Variants in SLC13A1 observed in about 807,000 individuals in gnomAD.
The protein encoded by SLC13A1 is Na(+)/sulfate cotransporter.
SLC13A1 carries 65 observed loss-of-function variants against 70.0 expected under a neutral mutation model. The observed-to-expected ratio is 0.93, with a 90% CI of 0.76 to 1.14. The LOEUF (loss-of-function observed/expected upper bound fraction) is 1.14. Among genes scored for constraint, SLC13A1 ranks in the 50% most tolerant of loss-of-function variants. The pLI is 0.00. For missense variants in SLC13A1, 726 were observed against 717.8 expected (o/e 1.01, Z -0.13); for synonymous variants, 275 against 250.5 (o/e 1.10, Z -0.92).
intron 6 of SLC13A1, chr7:123,149,478 T>C (rs1794479942): frequency 2.2e-6 from 1 of 456,410 alleles, no homozygotes; most frequent in Admixed American, 2.4e-5. Flanking sequence ...TTCTTTCGAC[T>C]GTGATGGTAC....
chr7:123,117,715 C>G (rs938987966), intron 13 of SLC13A1, 107 bp from the exon 14 acceptor site: 18 of 556,672 alleles, frequency 3.2e-5, no homozygotes, highest in African/African-American at 1.9e-5. Flanking sequence ...ATGTTGGAAC[C>G]TAATGATATA....
chr7:123,167,142 C>T (rs1340975141), intron 6 of SLC13A1, among the ~76,000 whole-genome samples: 1 of 152,132 alleles, frequency 6.6e-6, no homozygotes, highest in East Asian at 1.9e-4. Context: ...GTGGCGATTC[C>T]TCAGGGATCT....
At chr7:123,148,493 G>C in intron 6 of SLC13A1, 1 of 452,062 alleles carries the variant, frequency 2.2e-6, no homozygotes, top group Non-Finnish European at 4.4e-6. Flanking sequence ...GACTTTCTAG[G>C]GTGTAAGCCA....
intron 1 of SLC13A1, among the ~76,000 whole-genome samples, chr7:123,194,175 C>T (rs1046566191): frequency 2.0e-5 from 3 of 152,166 alleles, no homozygotes; most frequent in Middle Eastern, 6.8e-3. Flanking sequence ...GTAATAGAGG[C>T]CAATGTATCC....
At chr7:123,115,725 A>G in intron 14 of SLC13A1, 70 bp from the exon 15 acceptor site, 1 of 1,526,186 alleles carries the variant, frequency 6.6e-7, no homozygotes, top group Non-Finnish European at 9.0e-7. Context: ...ATCCTATTGT[A>G]GGATGTATAT....
chr7:123,120,080 T>C (rs1280330824), intron 12 of SLC13A1, among the ~76,000 whole-genome samples: 3 of 152,082 alleles, frequency 2.0e-5, no homozygotes, highest in African/African-American at 4.8e-5. Flanking sequence ...CACAGAAATA[T>C]CTATTCTGGA....
intron 6 of SLC13A1, among the ~76,000 whole-genome samples, chr7:123,152,320 A>G (rs771511693): frequency 6.6e-6 from 1 of 152,136 alleles, no homozygotes; most frequent in Non-Finnish European, 1.5e-5. Context: ...GGGGAAGCAG[A>G]TATATCTTTG....
At chr7:123,135,890 T>C (rs1201749615) in intron 7 of SLC13A1, among the ~76,000 whole-genome samples, 1 of 152,196 alleles carries the variant, frequency 6.6e-6, no homozygotes, top group Non-Finnish European at 1.5e-5. Context: ...TAATTAAAGA[T>C]GTTAGAAAAT....
chr7:123,160,152 T>C (rs1794840541), intron 6 of SLC13A1, among the ~76,000 whole-genome samples: 1 of 151,124 alleles, frequency 6.6e-6, no homozygotes, highest in African/African-American at 2.4e-5. Flanking sequence ...GCACCTGTAA[T>C]CCCAGCTACT....
chr7:123,132,467 G>A (rs1793797822), intron 8 of SLC13A1, among the ~76,000 whole-genome samples: 1 of 152,094 alleles, frequency 6.6e-6, no homozygotes, highest in Non-Finnish European at 1.5e-5. Context: ...CGCCTCCCAG[G>A]TTCAAGTGAT....
At chr7:123,184,446 G>T (rs931686339) in intron 1 of SLC13A1, among the ~76,000 whole-genome samples, 1 of 151,946 alleles carries the variant, frequency 6.6e-6, no homozygotes, top group Non-Finnish European at 1.5e-5. Flanking sequence ...GAAACCACAA[G>T]TTCACTCTCC....
At chr7:123,187,415 C>T (rs556649490) in intron 1 of SLC13A1, among the ~76,000 whole-genome samples, 1 of 152,260 alleles carries the variant, frequency 6.6e-6, no homozygotes, top group South Asian at 2.1e-4. Context: ...CATATTTGTA[C>T]ACCTTATCAT....
At position 123,169,292 on chromosome 7, in the gene SLC13A1, A is replaced by G. The variant is rs746632487; in HGVS notation, c.409T>C (p.Trp137Arg). 6.2e-7 allele frequency: 1 copy of G among 1,613,728 alleles called. No individual in the cohort carries two copies. Among genetic ancestry groups the G allele is most frequent in the South Asian group, 1.1e-5 (1 of 91,070 alleles). Residue 137 changes from tryptophan (W) to arginine (R), a missense_variant, in exon 4 of 15, where the codon TGG becomes CGG. Coordinates refer to ENST00000194130, the MANE Select transcript of SLC13A1 (RefSeq NM_022444.4). ...FMSSTAFLSM[W>R]LSNTSTAAMV... ...GCAGCCGTCGAGGTGTTGCTGAGCC[A>G]CATAGACAAAAAGGCAGTGCTGCTC...
At chr7:123,143,268 C>T (rs1444037905) in intron 7 of SLC13A1, among the ~76,000 whole-genome samples, 1 of 152,162 alleles carries the variant, frequency 6.6e-6, no homozygotes, top group African/African-American at 2.4e-5. Flanking sequence ...CACACAAGTC[C>T]TCTGGCTCAA....
intron 3 of SLC13A1, among the ~76,000 whole-genome samples, chr7:123,171,017 C>A (rs1180914759): frequency 6.6e-6 from 1 of 151,854 alleles, no homozygotes; most frequent in East Asian, 1.9e-4. Context: ...GATGTGTCTA[C>A]GCCCTAGAAT....
chr7:123,123,386 C>T lies in SLC13A1; in HGVS notation c.1241-151G>A, dbSNP rs963162455. 2.8e-5 allele frequency: 16 copies of T among 576,620 alleles called. No homozygotes were observed. In the Admixed American group the frequency reaches 4.0e-4, roughly 15 times the overall value. 35.7% of individuals were successfully genotyped at this position (576,620 alleles called of 1,614,324 possible). ...AATTAATCTGGAGTTTGAGTAATTT[C>T]CACCTGGACTAGGTGGAACATTCTA... On this transcript the variant is annotated intron_variant, in intron 11 of 14. Coordinates refer to ENST00000194130, the MANE Select transcript of SLC13A1 (RefSeq NM_022444.4).
intron 1 of SLC13A1, among the ~76,000 whole-genome samples, chr7:123,189,753 A>C (rs1795936817): frequency 1.3e-5 from 2 of 152,014 alleles, no homozygotes; most frequent in South Asian, 2.1e-4. Context: ...ATTATTATTG[A>C]AATGAAAAAT....
intron 1 of SLC13A1, among the ~76,000 whole-genome samples, chr7:123,184,677 G>A (rs1195269942): frequency 6.6e-6 from 1 of 151,906 alleles, no homozygotes; most frequent in African/African-American, 2.4e-5. Context: ...GTGTGAGTGT[G>A]TGTGTGTGTG....
chr7:123,164,099 AG>A (rs1794999112), intron 6 of SLC13A1, among the ~76,000 whole-genome samples: 1 of 152,044 alleles, frequency 6.6e-6, no homozygotes, highest in African/African-American at 2.4e-5. Flanking sequence ...TGGATAAAGT[AG>A]GGTAGAGTCA....
Sources: gnomAD v4.1 joint callset for allele counts (sites outside exome capture counted in the v4.1 genomes callset) on GRCh38, gnomAD v4.1.1 for gene constraint, MANE v1.5 for transcripts, NCBI Gene and HGNC (gene_info 2026-07-23, HGNC 2026-07-21) for gene names.